POFUT3: variants seen among roughly 807,000 people sequenced by gnomAD.
POFUT3 encodes protein O-fucosyltransferase 3, also known as GDP-fucose protein O-fucosyltransferase 3.
the POFUT3 span, among the ~76,000 whole-genome samples, chr8:33,313,200 G>A: frequency 6.6e-6 from 1 of 152,138 alleles, no homozygotes; most frequent in Non-Finnish European, 1.5e-5. Flanking sequence ...AGAGAAAGGG[G>A]TTAGTGGGAG....
the POFUT3 span, among the ~76,000 whole-genome samples, chr8:33,360,653 C>A: frequency 6.6e-6 from 1 of 152,138 alleles, no homozygotes; most frequent in African/African-American, 2.4e-5. Context: ...CTCTTCCACT[C>A]TCAGAGTGCC....
chr8:33,448,602 G>C, the POFUT3 span, among the ~76,000 whole-genome samples: 17 of 152,076 alleles, frequency 1.1e-4, no homozygotes, highest in Non-Finnish European at 2.2e-4. Context: ...AAAGAAGGTA[G>C]ACTCTCGGGT....
the POFUT3 span, among the ~76,000 whole-genome samples, chr8:33,372,988 A>G: frequency 2.6e-5 from 4 of 152,188 alleles, no homozygotes; most frequent in African/African-American, 9.7e-5. Flanking sequence ...CTACTACCCC[A>G]TTTTACAGGA....
the POFUT3 span, among the ~76,000 whole-genome samples, chr8:33,311,149 A>G: frequency 6.6e-6 from 1 of 152,160 alleles, no homozygotes; most frequent in African/African-American, 2.4e-5. Flanking sequence ...TTGCTATTAC[A>G]TCCTCAATAC....
the POFUT3 span, among the ~76,000 whole-genome samples, chr8:33,430,860 G>A: frequency 3.3e-5 from 5 of 151,994 alleles, no homozygotes; most frequent in Non-Finnish European, 5.9e-5. Context: ...CACCCGCCTC[G>A]GCCTCCCAAA....
the POFUT3 span, among the ~76,000 whole-genome samples, chr8:33,323,715 C>T: frequency 7.2e-5 from 11 of 152,060 alleles, no homozygotes; most frequent in East Asian, 1.5e-3. Context: ...ACAGCCACCC[C>T]GGGATTTAGA....
At chr8:33,443,044 C>A in the POFUT3 span, among the ~76,000 whole-genome samples, 1 of 152,006 alleles carries the variant, frequency 6.6e-6, no homozygotes, top group East Asian at 1.9e-4. Context: ...GCCTGAGAGG[C>A]AGAAGGTGCA....
the POFUT3 span, among the ~76,000 whole-genome samples, chr8:33,328,603 T>G: frequency 6.6e-6 from 1 of 152,150 alleles, no homozygotes; most frequent in Non-Finnish European, 1.5e-5. Context: ...CATGGGTACC[T>G]TCTGTATTGT....
At chr8:33,372,499 T>C in the POFUT3 span, 1 of 1,513,370 alleles carries the variant, frequency 6.6e-7, no homozygotes, top group Admixed American at 2.2e-5. Context: ...GAATAGCTAT[T>C]ATGTTCAAAT....
At chr8:33,453,394 T>C in the POFUT3 span, 3 of 1,614,216 alleles carry the variant, frequency 1.9e-6, no homozygotes, top group Admixed American at 5.0e-5. Flanking sequence ...AGGTCAATCC[T>C]TCTTTCTTAA....
chr8:33,364,907 G>A, the POFUT3 span, among the ~76,000 whole-genome samples: 2,473 of 152,106 alleles, frequency 0.016, 64 homozygotes, highest in African/African-American at 0.058. Flanking sequence ...TGGAAAAACC[G>A]ACTTTAAATT....
the POFUT3 span, chr8:33,452,610 T>A: frequency 2.0e-5 from 3 of 152,056 alleles, no homozygotes; most frequent in African/African-American, 4.8e-5. Flanking sequence ...TTAAAAGTTT[T>A]AAACATTTAA....
the POFUT3 span, among the ~76,000 whole-genome samples, chr8:33,367,618 C>A: frequency 6.6e-6 from 1 of 151,632 alleles, no homozygotes; most frequent in Non-Finnish European, 1.5e-5. Context: ...CTGGTCTTGG[C>A]AAATAAATAA....
the POFUT3 span, among the ~76,000 whole-genome samples, chr8:33,409,506 C>T: frequency 3.6e-4 from 55 of 152,298 alleles, no homozygotes; most frequent in Middle Eastern, 0.014. Flanking sequence ...GGAATTTGTC[C>T]AGTCCTCCAT....
chr8:33,356,259 A>C, the POFUT3 span, among the ~76,000 whole-genome samples: 1 of 152,190 alleles, frequency 6.6e-6, no homozygotes, highest in Non-Finnish European at 1.5e-5. Flanking sequence ...TCACTTCCAC[A>C]ATGGTTGAAC....
At chr8:33,397,212 AG>A in the POFUT3 span, among the ~76,000 whole-genome samples, 1 of 152,366 alleles carries the variant, frequency 6.6e-6, no homozygotes, top group East Asian at 1.9e-4. Flanking sequence ...AGCAAATTAA[AG>A]TACTTCTGAC....
At chr8:33,370,418 G>T in the POFUT3 span, among the ~76,000 whole-genome samples, 1 of 152,216 alleles carries the variant, frequency 6.6e-6, no homozygotes, top group East Asian at 1.9e-4. Context: ...GCAAAATGTT[G>T]CATTGTACAA....
At chr8:33,318,578 A>G in the POFUT3 span, among the ~76,000 whole-genome samples, 1 of 81,496 alleles carries the variant, frequency 1.2e-5, no homozygotes, top group Admixed American at 1.9e-4. Context: ...ATATAAATAT[A>G]TTGTATATAT....
chr8:33,373,487 G>A, the POFUT3 span, among the ~76,000 whole-genome samples: 1 of 152,112 alleles, frequency 6.6e-6, no homozygotes, highest in Non-Finnish European at 1.5e-5. Context: ...GCTGCAATGA[G>A]CTTGGTCCAC....
Sources: allele counts gnomAD v4.1 joint callset (sites outside exome capture counted in the v4.1 genomes callset), GRCh38; gene constraint gnomAD v4.1.1; transcripts MANE v1.5; gene names NCBI Gene and HGNC (gene_info 2026-07-23, HGNC 2026-07-21).